The following PBX3 variants were observed in gnomAD, a reference collection of about 807,000 sequenced individuals.
PBX3 encodes the protein PBX homeobox 3, also known as pre-B-cell leukemia transcription factor 3.
A neutral mutation model predicts 48.5 loss-of-function variants in PBX3; 14 were observed. The ratio of observed to expected loss-of-function variants is 0.29; its 90% CI spans 0.19 to 0.45. The LOEUF (loss-of-function observed/expected upper bound fraction) is 0.45. PBX3 is among the 20% of genes least tolerant of loss of function. The pLI is 1.00. For missense variants in PBX3, 386 were observed against 546.7 expected (o/e 0.71, Z 2.93); for synonymous variants, 210 against 200.3 (o/e 1.05, Z -0.41).
At chr9:125,767,154 A>G (rs940242401) in intron 2 of PBX3, among the ~76,000 whole-genome samples, 3 of 152,244 alleles carry the variant, frequency 2.0e-5, no homozygotes, top group African/African-American at 4.8e-5. Flanking sequence ...GTTAAAAAAC[A>G]AAACCCCAAT....
intron 8 of PBX3, among the ~76,000 whole-genome samples, chr9:125,963,856 T>C (rs569081096): frequency 6.6e-6 from 1 of 152,240 alleles, no homozygotes; most frequent in Non-Finnish European, 1.5e-5. Context: ...AGAGTAAATA[T>C]TAATGATTTA....
intron 2 of PBX3, among the ~76,000 whole-genome samples, chr9:125,778,751 G>A (rs377682310): frequency 6.7e-6 from 1 of 148,578 alleles, no homozygotes; most frequent in Non-Finnish European, 1.5e-5. Flanking sequence ...AGGCTTTGCT[G>A]TTTGGAGTAC....
At chr9:125,765,247 C>T (rs1836772340) in intron 2 of PBX3, among the ~76,000 whole-genome samples, 1 of 151,360 alleles carries the variant, frequency 6.6e-6, no homozygotes, top group Non-Finnish European at 1.5e-5. Context: ...CCTCCCGGCT[C>T]AAGTGATCCT....
At chr9:125,842,430 T>C (rs10986974) in intron 2 of PBX3, among the ~76,000 whole-genome samples, 3,059 of 152,282 alleles carry the variant, frequency 0.02, 170 homozygotes, top group East Asian at 0.17. Flanking sequence ...ATTCAGTCTT[T>C]TTCAGCCTTC....
At chr9:125,792,990 G>A (rs1272406654) in intron 2 of PBX3, among the ~76,000 whole-genome samples, 5 of 151,886 alleles carry the variant, frequency 3.3e-5, no homozygotes, top group Non-Finnish European at 5.9e-5. Flanking sequence ...GAGCCACCGC[G>A]CCCGGCCGAG....
chr9:125,831,312 C>T (rs899196564), intron 2 of PBX3, among the ~76,000 whole-genome samples: 6 of 152,154 alleles, frequency 3.9e-5, no homozygotes, highest in Non-Finnish European at 8.8e-5. Flanking sequence ...TAAAGTTCCC[C>T]TTCTTTCACC....
chr9:125,762,571 GA>G (rs35457983), intron 2 of PBX3, among the ~76,000 whole-genome samples: 1 of 152,158 alleles, frequency 6.6e-6, no homozygotes, highest in Non-Finnish European at 1.5e-5. Flanking sequence ...ATGATGAATT[GA>G]AAGCAGAAAT....
chr9:125,869,254 A>C (rs1021672097), intron 2 of PBX3, among the ~76,000 whole-genome samples: 4 of 152,226 alleles, frequency 2.6e-5, no homozygotes, highest in Admixed American at 2.6e-4. Context: ...AGATAGAAAT[A>C]TGAAAAAGAT....
At chr9:125,747,751 C>A (rs1836235259) in intron 1 of PBX3, 98 bp downstream of exon 1, 1 of 893,508 alleles carries the variant, frequency 1.1e-6, no homozygotes, top group Non-Finnish European at 1.6e-6. Flanking sequence ...AGGGCCGCAG[C>A]CCCCGGCGGG....
chr9:125,866,096 C>T (rs1267341382), intron 2 of PBX3, among the ~76,000 whole-genome samples: 5 of 151,756 alleles, frequency 3.3e-5, no homozygotes, highest in Non-Finnish European at 5.9e-5. Flanking sequence ...TCCCATTGCT[C>T]AGAGATTACC....
At chr9:125,919,318 A>G (rs568424025) in intron 3 of PBX3, among the ~76,000 whole-genome samples, 6 of 149,804 alleles carry the variant, frequency 4.0e-5, no homozygotes, top group African/African-American at 9.9e-5. Context: ...GGTTCAAGCA[A>G]TTCTCCTGGG....
intron 2 of PBX3, among the ~76,000 whole-genome samples, chr9:125,769,456 C>T (rs1836886805): frequency 1.3e-5 from 2 of 152,146 alleles, no homozygotes; most frequent in South Asian, 4.1e-4. Flanking sequence ...GCTCTGAGAG[C>T]ATTATTTTAT....
At chr9:125,871,917 A>G (rs906057650) in intron 2 of PBX3, among the ~76,000 whole-genome samples, 20 of 152,212 alleles carry the variant, frequency 1.3e-4, no homozygotes, top group African/African-American at 4.8e-4. Context: ...AGACCTAGGT[A>G]GTGGTTACAT....
intron 3 of PBX3, among the ~76,000 whole-genome samples, chr9:125,923,984 C>T (rs930729393): frequency 2.6e-5 from 4 of 151,992 alleles, no homozygotes; most frequent in African/African-American, 7.3e-5. Flanking sequence ...CCTGCCCCAA[C>T]CCCCCTAGTA....
rs763477503 is a variant in PBX3, at chr9:125,915,888, C to A, written c.477C>A (p.Ile159=). The part of the protein sequence containing the change: ...HSDYRAKLTQ[I]RQIYHTELEK... Reference sequence around the variant, plus strand: ...ATTACAGAGCCAAATTGACCCAGATCAGACAAATCTATCACACAGAACTGG... The same window carrying A: ...ATTACAGAGCCAAATTGACCCAGATAAGACAAATCTATCACACAGAACTGG... The change falls in exon 3 of 9, where the codon ATC becomes ATA. Residue 159 remains isoleucine (I), a synonymous_variant. Coordinates refer to ENST00000373489, the MANE Select transcript of PBX3 (RefSeq NM_006195.6). 1.9e-6 allele frequency: 3 copies of A among 1,613,818 alleles called. No homozygotes were observed. Among genetic ancestry groups the A allele is most frequent in the Non-Finnish European group, 2.5e-6 (3 of 1,179,938 alleles).
chr9:125,825,933 A>G (rs926551268), intron 2 of PBX3, among the ~76,000 whole-genome samples: 1 of 152,200 alleles, frequency 6.6e-6, no homozygotes, highest in Non-Finnish European at 1.5e-5. Flanking sequence ...CTTGCCTAGA[A>G]TGTCCTGGAA....
intron 2 of PBX3, among the ~76,000 whole-genome samples, chr9:125,834,640 C>T (rs549478030): frequency 7.3e-4 from 110 of 151,502 alleles, no homozygotes; most frequent in Middle Eastern, 3.4e-3. Context: ...TCAGGTGATC[C>T]GCCCACCTCT....
At chr9:125,866,030 G>C (rs1297693078) in intron 2 of PBX3, among the ~76,000 whole-genome samples, 2 of 148,638 alleles carry the variant, frequency 1.3e-5, no homozygotes, top group Non-Finnish European at 3.0e-5. Context: ...TTTGCTAGCT[G>C]TTAAAATATT....
intron 2 of PBX3, among the ~76,000 whole-genome samples, chr9:125,838,254 G>A (rs1224172481): frequency 1.3e-5 from 2 of 152,176 alleles, no homozygotes; most frequent in African/African-American, 2.4e-5. Context: ...GTCTTACTGT[G>A]TTGGCCGGGG....
Sources: gnomAD v4.1 joint callset for allele counts (sites outside exome capture counted in the v4.1 genomes callset) on GRCh38, gnomAD v4.1.1 for gene constraint, MANE v1.5 for transcripts, NCBI Gene and HGNC (gene_info 2026-07-23, HGNC 2026-07-21) for gene names.